Variants in MYLK4 observed in about 807,000 individuals in gnomAD.
The protein encoded by MYLK4 is myosin light chain kinase family member 4.
A neutral mutation model predicts 48.1 loss-of-function variants in MYLK4; 46 were observed. The observed-to-expected ratio is 0.96, with a 90% CI of 0.75 to 1.22. MYLK4 has a LOEUF of 1.22. MYLK4 is among the 50% of genes most tolerant of loss of function. The pLI, the probability that MYLK4 is intolerant of heterozygous loss-of-function variation, is 0.00. For missense variants in MYLK4, 451 were observed against 486.1 expected, an observed-to-expected ratio of 0.93 and a Z score of 0.68; for synonymous variants, 170 against 180.8, an observed-to-expected ratio of 0.94 and a Z score of 0.48.
At position 2,665,015 on chromosome 6, in the gene MYLK4, G is replaced by A. The variant is rs1253197379; in HGVS notation, c.*2910C>T. 3 of 152,136 alleles carry A rather than the reference G, an allele frequency of 2.0e-5. No individual in the cohort carries two copies. Among genetic ancestry groups the A allele is most frequent in the Admixed American group, 6.5e-5 (1 of 15,278 alleles). The allele number at this position is 152,136 out of a possible 1,614,324, so 9.4% of individuals were successfully genotyped here. On this transcript the variant is annotated 3_prime_UTR_variant, in exon 13 of 13. Transcript: ENST00000274643. ...TCCAGGCAGTGGGAAGTGCTACATC[G>A]GTGCTTAATTTCCTCCATTTGCTAA... is the stretch of plus-strand genomic sequence containing the variant.
chr6:2,690,521 G>A (rs956937537), intron 3 of MYLK4, among the ~76,000 whole-genome samples: 1 of 151,758 alleles, frequency 6.6e-6, no homozygotes, highest in Non-Finnish European at 1.5e-5. Flanking sequence ...CTTTAAGAAG[G>A]TTTTCTTAAA....
chr6:2,682,195 A>G (rs929079338), intron 7 of MYLK4, among the ~76,000 whole-genome samples: 3 of 152,198 alleles, frequency 2.0e-5, no homozygotes, highest in Admixed American at 6.5e-5. Context: ...TAGATTGTAT[A>G]TTTTATGTTA....
At chr6:2,724,883 A>G (rs1202636391) in intron 2 of MYLK4, among the ~76,000 whole-genome samples, 2 of 152,222 alleles carry the variant, frequency 1.3e-5, no homozygotes, top group Non-Finnish European at 2.9e-5. Flanking sequence ...AAAACTATAT[A>G]TAATTAAGAA....
At chr6:2,704,123 A>G (rs112056488) in intron 2 of MYLK4, among the ~76,000 whole-genome samples, 1,588 of 152,318 alleles carry the variant, frequency 0.01, 23 homozygotes, top group African/African-American at 0.036. Flanking sequence ...ACTCAGTGTC[A>G]GCTCATGACA....
intron 2 of MYLK4, among the ~76,000 whole-genome samples, chr6:2,722,402 A>G (rs910511879): frequency 6.6e-6 from 1 of 152,198 alleles, no homozygotes; most frequent in African/African-American, 2.4e-5. Context: ...GCTTTCAGCC[A>G]TGAATAATAA....
intron 1 of MYLK4, among the ~76,000 whole-genome samples, chr6:2,749,693 G>A (rs1764219020): frequency 6.6e-6 from 1 of 152,200 alleles, no homozygotes. Flanking sequence ...CGTAGATCAA[G>A]TGGCCAGCTT....
chr6:2,752,310 C>T (rs1015621051), upstream of MYLK4, among the ~76,000 whole-genome samples: 4 of 152,284 alleles, frequency 2.6e-5, no homozygotes, highest in Non-Finnish European at 5.9e-5. Context: ...TAACATCTTA[C>T]GTTGGTATGG....
Position 2,667,824 on chromosome 6 carries a change from T to C in MYLK4, c.*101A>G, listed in dbSNP as rs1449334039. ...TCCCCCTGCTAAGACTACCAGGTCATCACAGGGGTCAAGGCATCAGAACTG... is the reference window on the plus strand; with the variant it reads ...TCCCCCTGCTAAGACTACCAGGTCACCACAGGGGTCAAGGCATCAGAACTG... On this transcript the variant is annotated 3_prime_UTR_variant, in exon 13 of 13. Transcript: ENST00000274643. The C allele has an allele frequency of 6.6e-6, 1 of 152,602 alleles. No individual in the cohort carries two copies. Among genetic ancestry groups the C allele is most frequent in the Non-Finnish European group, 1.5e-5 (1 of 68,044 alleles). The allele number at this position is 152,602 out of a possible 1,614,324, so 9.5% of individuals were successfully genotyped here. A position where few individuals can be genotyped will look rare whatever the true frequency, so the allele number is the denominator to read the frequency against.
intron 3 of MYLK4, among the ~76,000 whole-genome samples, chr6:2,690,500 T>G (rs1363976889): frequency 6.6e-6 from 1 of 152,018 alleles, no homozygotes; most frequent in East Asian, 1.9e-4. Flanking sequence ...AACATTCAGA[T>G]GGTGGAAATT....
chr6:2,713,216 C>T (rs1280521332), intron 2 of MYLK4, among the ~76,000 whole-genome samples: 1 of 151,718 alleles, frequency 6.6e-6, no homozygotes, highest in Non-Finnish European at 1.5e-5. Flanking sequence ...ACTAAAAACA[C>T]AAAATTAGCC....
the MYLK4 span, among the ~76,000 whole-genome samples, chr6:2,759,400 C>T: frequency 2.0e-5 from 3 of 152,182 alleles, no homozygotes; most frequent in Admixed American, 1.3e-4. Context: ...AACCACTGTG[C>T]CCAGCTAAGA....
rs944859526 is a variant in MYLK4, at chr6:2,682,942, T to C, written c.687+79A>G. ...AAATGACTGTACCAATTTCCCCAGC[T>C]GGCATATAATAGCAGACAGGGCCCA... On this transcript the variant is annotated intron_variant, in intron 7 of 12. Coordinates refer to ENST00000274643, the MANE Select transcript of MYLK4 (RefSeq NM_001012418.5). The C allele has an allele frequency of 9.3e-6, 14 of 1,506,438 alleles. No individual in the cohort carries two copies. In the Admixed American group the frequency reaches 2.1e-4, roughly 22 times the overall value. The allele number at this position is 1,506,438 out of a possible 1,614,324, so 93.3% of individuals were successfully genotyped here. A position where few individuals can be genotyped will look rare whatever the true frequency, so the allele number is the denominator to read the frequency against.
chr6:2,674,689 T>C (rs909050424), intron 11 of MYLK4, among the ~76,000 whole-genome samples: 4 of 152,104 alleles, frequency 2.6e-5, no homozygotes, highest in African/African-American at 9.7e-5. Flanking sequence ...CTGACCAACA[T>C]GGTGAAACTC....
At chr6:2,704,074 T>G (rs1762399992) in intron 2 of MYLK4, among the ~76,000 whole-genome samples, 1 of 152,238 alleles carries the variant, frequency 6.6e-6, no homozygotes, top group African/African-American at 2.4e-5. Context: ...TGTTTGCATT[T>G]CTGACTCCCT....
chr6:2,688,754 G>A (rs903550299), intron 4 of MYLK4, 97 bp downstream of exon 4: 2 of 934,088 alleles, frequency 2.1e-6, no homozygotes, highest in African/African-American at 1.7e-5. Context: ...TGTTTCTAAT[G>A]TTTCTAGTTC....
At chr6:2,740,449 A>G (rs1434533974) in intron 2 of MYLK4, among the ~76,000 whole-genome samples, 1 of 152,196 alleles carries the variant, frequency 6.6e-6, no homozygotes, top group African/African-American at 2.4e-5. Context: ...GTCACTCCAC[A>G]AGACCCCCGA....
At chr6:2,697,938 A>G (rs2113201459) in intron 2 of MYLK4, among the ~76,000 whole-genome samples, 1 of 152,284 alleles carries the variant, frequency 6.6e-6, no homozygotes, top group Non-Finnish European at 1.5e-5. Flanking sequence ...CTGTGAGAAC[A>G]CTCTGTCATC....
At chr6:2,770,023 A>G in the MYLK4 span, 1 of 1,535,158 alleles carries the variant, frequency 6.5e-7, no homozygotes, top group Non-Finnish European at 8.8e-7. Context: ...GAAAGATAAA[A>G]ATGAGGAAAA....
intron 2 of MYLK4, among the ~76,000 whole-genome samples, chr6:2,734,899 G>C (rs1763615109): frequency 1.3e-5 from 2 of 152,164 alleles, no homozygotes. Flanking sequence ...CAGCAGGTTG[G>C]ATGGGGCCCG....
Sources: allele counts gnomAD v4.1 joint callset (sites outside exome capture counted in the v4.1 genomes callset), GRCh38; gene constraint gnomAD v4.1.1; transcripts MANE v1.5; gene names NCBI Gene and HGNC (gene_info 2026-07-23, HGNC 2026-07-21).